The following RNF216 variants were observed in gnomAD, a reference collection of about 807,000 sequenced individuals.
RNF216 encodes E3 ubiquitin-protein ligase RNF216.
RNF216 carries 72 observed loss-of-function variants against 110.8 expected under a neutral mutation model. That is an observed-to-expected ratio of 0.65 (90% CI 0.54 to 0.79). The LOEUF (loss-of-function observed/expected upper bound fraction) is 0.79, where lower values mean the gene tolerates loss of function less well. RNF216 is among the 30% of genes least tolerant of loss of function. RNF216 has a pLI of 0.00. For synonymous variants in RNF216, 495 were observed against 407.5 expected (o/e 1.21, Z -2.59); for missense variants, 1,342 against 1,141.2 (o/e 1.18, Z -2.54).
intron 3 of RNF216, among the ~76,000 whole-genome samples, chr7:5,742,685 T>C (rs567011360): frequency 1.5e-5 from 2 of 135,958 alleles, no homozygotes; most frequent in Non-Finnish European, 3.1e-5. Flanking sequence ...AACTTCTGCC[T>C]CCCAGGTTCA....
Position 5,622,757 on chromosome 7 carries a change from G to T in RNF216, c.*103C>A. ...AGAAAACCAGCCTACCCTTCAAGCTGACTTAGGATGCAATGGTACAGACAC... is the reference window on the plus strand; with the variant it reads ...AGAAAACCAGCCTACCCTTCAAGCTTACTTAGGATGCAATGGTACAGACAC... On this transcript the variant is annotated 3_prime_UTR_variant, in exon 17 of 17. Coordinates refer to ENST00000389902, the MANE Select transcript of RNF216 (RefSeq NM_207111.4). 2 of 1,180,430 alleles carry T rather than the reference G, an allele frequency of 1.7e-6. No individual in the cohort carries two copies. Among genetic ancestry groups the T allele is most frequent in the South Asian group, 1.5e-5 (1 of 67,168 alleles). 73.1% of individuals were successfully genotyped at this position (1,180,430 alleles called of 1,614,324 possible).
At chr7:5,736,831 C>T (rs1396379089) in intron 5 of RNF216, among the ~76,000 whole-genome samples, 5 of 151,732 alleles carry the variant, frequency 3.3e-5, no homozygotes, top group Non-Finnish European at 7.4e-5. Context: ...AAGTGAGGAG[C>T]CCCTCCGCCC....
chr7:5,622,830 T>C lies in RNF216; in HGVS notation c.*30A>G, dbSNP rs1786457467. 5 of 1,565,424 alleles carry C rather than the reference T, an allele frequency of 3.2e-6. No individual in the cohort carries two copies. Among genetic ancestry groups the C allele is most frequent in the Non-Finnish European group, 4.3e-6 (5 of 1,152,204 alleles). ...ATCCACACTCCTACCCCAAACGGGC[T>C]TTGTGCTGCTCAATGGGGATTCGGG... is the stretch of plus-strand genomic sequence containing the variant. On this transcript the variant is annotated 3_prime_UTR_variant, in exon 17 of 17. Transcript: ENST00000389902.
At chr7:5,690,451 A>G (rs994154405) in intron 13 of RNF216, among the ~76,000 whole-genome samples, 2 of 152,092 alleles carry the variant, frequency 1.3e-5, no homozygotes, top group African/African-American at 4.8e-5. Flanking sequence ...TTTCCCAGGT[A>G]GTATTAAAGA....
Position 5,622,847 on chromosome 7 carries a change from G to C in RNF216, c.*13C>G. 6.3e-7 allele frequency: 1 copy of C among 1,586,256 alleles called. No homozygotes were observed. Among genetic ancestry groups the C allele is most frequent in the Non-Finnish European group, 8.6e-7 (1 of 1,164,060 alleles). On this transcript the variant is annotated 3_prime_UTR_variant, in exon 17 of 17. Transcript: ENST00000389902. ...AAACGGGCTTTGTGCTGCTCAATGGGGATTCGGGGCCATCAGAAGCGATGC... is the reference window on the plus strand; with the variant it reads ...AAACGGGCTTTGTGCTGCTCAATGGCGATTCGGGGCCATCAGAAGCGATGC...
intron 8 of RNF216, among the ~76,000 whole-genome samples, chr7:5,723,817 G>C (rs375382714): frequency 3.7e-4 from 56 of 152,180 alleles, no homozygotes; most frequent in African/African-American, 1.3e-3. Context: ...CTGAAAAGGA[G>C]AAAAATGGGA....
intron 13 of RNF216, among the ~76,000 whole-genome samples, chr7:5,655,088 G>A (rs1468663027): frequency 2.6e-5 from 4 of 152,196 alleles, no homozygotes; most frequent in South Asian, 2.1e-4. Flanking sequence ...TGGCAATTCC[G>A]TTATTAATTC....
intron 15 of RNF216, among the ~76,000 whole-genome samples, chr7:5,627,413 CCT>C (rs1554342752): frequency 2.0e-5 from 3 of 152,160 alleles, no homozygotes; most frequent in Non-Finnish European, 4.4e-5. Flanking sequence ...CCAACGGGCA[CCT>C]CTCTCTGAAA....
intron 14 of RNF216, among the ~76,000 whole-genome samples, chr7:5,644,849 G>C (rs568554807): frequency 3.4e-5 from 5 of 148,588 alleles, no homozygotes; most frequent in Non-Finnish European, 7.4e-5. Context: ...TTTTGAAACG[G>C]AGTCTTGCTC....
chr7:5,646,362 A>G (rs897418292), intron 14 of RNF216, among the ~76,000 whole-genome samples: 2 of 151,636 alleles, frequency 1.3e-5, no homozygotes, highest in Non-Finnish European at 2.9e-5. Context: ...TGACAAGGCG[A>G]GACTCCATCC....
rs982384653 is a variant in RNF216, at chr7:5,655,263, G to A, written c.2062-2753C>T. Among the ~76,000 whole-genome samples, 12 of 152,272 alleles carry A rather than the reference G, an allele frequency of 7.9e-5. No homozygotes were observed. In the East Asian group the frequency reaches 1.4e-3, roughly 17 times the overall value. On this transcript the variant is annotated intron_variant, in intron 13 of 16. Coordinates refer to ENST00000389902, the MANE Select transcript of RNF216 (RefSeq NM_207111.4). ...CACAGTGCTTCTTCTGTAGGTGAAC[G>A]TGTGGGTTTTCAGCCAGGGCGCTTC...
chr7:5,740,041 G>A (rs1353106391), intron 4 of RNF216, among the ~76,000 whole-genome samples: 2 of 145,606 alleles, frequency 1.4e-5, no homozygotes, highest in Non-Finnish European at 3.0e-5. Flanking sequence ...AAAAAAACCC[G>A]CCTGGGTAAA....
intron 13 of RNF216, among the ~76,000 whole-genome samples, chr7:5,710,982 T>G (rs568978704): frequency 6.6e-6 from 1 of 152,338 alleles, no homozygotes; most frequent in Admixed American, 6.5e-5. Flanking sequence ...AAATAAAGTT[T>G]TGATCCATTA....
At chr7:5,665,680 G>C (rs1000054029) in intron 13 of RNF216, among the ~76,000 whole-genome samples, 1 of 152,034 alleles carries the variant, frequency 6.6e-6, no homozygotes, top group African/African-American at 2.4e-5. Flanking sequence ...GACAGAGTGG[G>C]AGGGTAAAGT....
At chr7:5,665,496 G>C (rs1329053818) in intron 13 of RNF216, among the ~76,000 whole-genome samples, 2 of 152,092 alleles carry the variant, frequency 1.3e-5, no homozygotes, top group Non-Finnish European at 2.9e-5. Flanking sequence ...CTTTCCCTGA[G>C]CCACCAGGAT....
intron 1 of RNF216, among the ~76,000 whole-genome samples, chr7:5,777,103 G>A (rs561472397): frequency 2.0e-5 from 3 of 152,220 alleles, no homozygotes; most frequent in Admixed American, 1.3e-4. Flanking sequence ...GACACTACAC[G>A]TGGAGGGAAA....
chr7:5,747,201 C>T (rs1440542927), intron 3 of RNF216, among the ~76,000 whole-genome samples: 1 of 152,188 alleles, frequency 6.6e-6, no homozygotes, highest in African/African-American at 2.4e-5. Flanking sequence ...GACTTACATG[C>T]TACGGATAAA....
chr7:5,773,670 C>T (rs1471065380), intron 1 of RNF216, among the ~76,000 whole-genome samples: 2 of 152,166 alleles, frequency 1.3e-5, no homozygotes, highest in African/African-American at 4.8e-5. Flanking sequence ...CAGGTTCAAG[C>T]GATTCTCCTG....
intron 13 of RNF216, among the ~76,000 whole-genome samples, chr7:5,654,066 T>C (rs1562793136): frequency 1.3e-5 from 2 of 152,076 alleles, no homozygotes; most frequent in South Asian, 2.1e-4. Flanking sequence ...AAAAAAATCA[T>C]TCTGGGTGGA....
Sources: gnomAD v4.1 joint callset for allele counts (sites outside exome capture counted in the v4.1 genomes callset) on GRCh38, gnomAD v4.1.1 for gene constraint, MANE v1.5 for transcripts, NCBI Gene and HGNC (gene_info 2026-07-23, HGNC 2026-07-21) for gene names.